The following LRP2 variants were observed in gnomAD, a reference collection of about 807,000 sequenced individuals.
LRP2 encodes LDL receptor related protein 2, also known as low-density lipoprotein receptor-related protein 2.
LRP2 carries 172 observed loss-of-function variants against 531.0 expected under a neutral mutation model. The ratio of observed to expected loss-of-function variants is 0.32; its 90% CI spans 0.29 to 0.37. The LOEUF (loss-of-function observed/expected upper bound fraction) is 0.37. Ranked by LOEUF, LRP2 falls within the 10% of genes least tolerant of loss-of-function variation. The pLI is 1.00. For missense variants in LRP2, 5,167 were observed against 5,868.3 expected (o/e 0.88, Z 3.90); for synonymous variants, 1,992 against 2,027.6 (o/e 0.98, Z 0.47).
At chr2:169,344,497 G>A (rs928900302) in intron 1 of LRP2, among the ~76,000 whole-genome samples, 5 of 152,138 alleles carry the variant, frequency 3.3e-5, no homozygotes, top group African/African-American at 1.2e-4. Context: ...CAACATTTTA[G>A]TTGTATATTT....
chr2:169,172,870 T>G (rs1010557098), intron 57 of LRP2, among the ~76,000 whole-genome samples: 1 of 152,188 alleles, frequency 6.6e-6, no homozygotes, highest in Non-Finnish European at 1.5e-5. Context: ...AATAACGTCT[T>G]CCTCAATGAC....
chr2:169,191,723 A>G, intron 48 of LRP2, 109 bp downstream of exon 48: 1 of 853,348 alleles, frequency 1.2e-6, no homozygotes, highest in Admixed American at 1.8e-5. Context: ...AGCCACTAAA[A>G]GCATCATGGG....
chr2:169,167,042 T>C (rs2105269270), intron 61 of LRP2, among the ~76,000 whole-genome samples: 1 of 152,312 alleles, frequency 6.6e-6, no homozygotes, highest in East Asian at 1.9e-4. Context: ...AAAGGCAAGT[T>C]CAATATTATA....
chr2:169,290,732 T>A, intron 8 of LRP2, 113 bp downstream of exon 8: 1 of 1,144,766 alleles, frequency 8.7e-7, no homozygotes, highest in Non-Finnish European at 1.3e-6. Flanking sequence ...TGCCACTAAG[T>A]CTTGGGGTGC....
intron 2 of LRP2, among the ~76,000 whole-genome samples, chr2:169,320,178 T>G (rs138387031): frequency 6.6e-6 from 1 of 152,340 alleles, no homozygotes; most frequent in Non-Finnish European, 1.5e-5. Flanking sequence ...CCTCAGAAGA[T>G]TAGTGAGAAA....
chr2:169,135,458 G>A (rs867675931), intron 76 of LRP2, among the ~76,000 whole-genome samples: 3 of 152,076 alleles, frequency 2.0e-5, no homozygotes, highest in African/African-American at 4.8e-5. Flanking sequence ...ATAATTCCTC[G>A]GTTTGGCCTT....
At chr2:169,333,117 T>C (rs758383909) in intron 1 of LRP2, among the ~76,000 whole-genome samples, 1 of 152,216 alleles carries the variant, frequency 6.6e-6, no homozygotes, top group Admixed American at 6.5e-5. Flanking sequence ...TCTAGTAAAC[T>C]GAAGTCAACA....
chr2:169,156,208 G>T, intron 65 of LRP2, 66 bp downstream of exon 65: 18 of 1,597,668 alleles, frequency 1.1e-5, no homozygotes, highest in Non-Finnish European at 1.5e-5. Context: ...TTCTTTCATC[G>T]TATAGTGTAC....
At chr2:169,223,242 G>T (rs1056958242) in intron 33 of LRP2, among the ~76,000 whole-genome samples, 5 of 152,122 alleles carry the variant, frequency 3.3e-5, no homozygotes, top group African/African-American at 1.2e-4. Context: ...TGGTTCATGT[G>T]GTTAAAGTGG....
intron 19 of LRP2, among the ~76,000 whole-genome samples, chr2:169,254,593 T>G (rs1337059939): frequency 1.2e-5 from 1 of 80,506 alleles, no homozygotes; most frequent in Non-Finnish European, 2.4e-5. Flanking sequence ...TGTATACATA[T>G]GTAACTAACC....
chr2:169,312,683 G>A (rs1684646841), intron 3 of LRP2, among the ~76,000 whole-genome samples: 1 of 152,082 alleles, frequency 6.6e-6, no homozygotes, highest in Non-Finnish European at 1.5e-5. Context: ...TACGTGTCTT[G>A]GAGTTGCTCT....
chr2:169,346,453 A>G (rs960903404), intron 1 of LRP2, among the ~76,000 whole-genome samples: 1 of 152,244 alleles, frequency 6.6e-6, no homozygotes, highest in Non-Finnish European at 1.5e-5. Flanking sequence ...GAATTTTGGT[A>G]CATAAAAACC....
chr2:169,254,910 G>T (rs1220798324), intron 19 of LRP2, among the ~76,000 whole-genome samples: 2 of 151,978 alleles, frequency 1.3e-5, no homozygotes, highest in Admixed American at 6.6e-5. Flanking sequence ...CGGCGGGAGG[G>T]GGACGGGAGG....
intron 4 of LRP2, among the ~76,000 whole-genome samples, chr2:169,296,929 C>T (rs1208087983): frequency 1.3e-5 from 2 of 152,108 alleles, no homozygotes; most frequent in Non-Finnish European, 2.9e-5. Context: ...GAGGAACACA[C>T]AGCTTTCTTG....
intron 63 of LRP2, among the ~76,000 whole-genome samples, chr2:169,158,895 A>T (rs143137476): frequency 1.3e-5 from 2 of 152,050 alleles, no homozygotes; most frequent in East Asian, 3.9e-4. Context: ...GCCCATATAA[A>T]TGATCCCTGT....
In LRP2 at chr2:169,243,113, C is replaced by A. The variant is rs777787037; in HGVS notation, c.3551-41G>T. On this transcript the variant is annotated intron_variant, in intron 23 of 78. Coordinates refer to ENST00000649046, the MANE Select transcript of LRP2 (RefSeq NM_004525.3). ...AAAAGCATTAGAAATTAGCTCAGGG[C>A]TAAAATGACTAAACACTGAGATTTT... 39 of 1,427,182 alleles carry A rather than the reference C, an allele frequency of 2.7e-5. 1 individual carries two copies. In the East Asian group the frequency reaches 8.6e-4, roughly 32 times the overall value. 88.4% of individuals were successfully genotyped at this position (1,427,182 alleles called of 1,614,324 possible). A position where few individuals can be genotyped will look rare whatever the true frequency, so the allele number is the denominator to read the frequency against.
intron 16 of LRP2, among the ~76,000 whole-genome samples, chr2:169,265,884 C>A (rs542528633): frequency 7.2e-5 from 11 of 151,848 alleles, no homozygotes; most frequent in African/African-American, 2.7e-4. Flanking sequence ...AAAAACAAGT[C>A]CCAATTGGAA....
intron 1 of LRP2, among the ~76,000 whole-genome samples, chr2:169,329,369 C>T (rs969960685): frequency 2.0e-5 from 3 of 152,098 alleles, no homozygotes; most frequent in African/African-American, 7.2e-5. Context: ...ATGGTGAAAC[C>T]TGTCTCTAAG....
intron 68 of LRP2, among the ~76,000 whole-genome samples, chr2:169,148,850 T>G (rs1436921742): frequency 6.6e-6 from 1 of 152,180 alleles, no homozygotes; most frequent in South Asian, 2.1e-4. Context: ...CTAGGTTCTA[T>G]GTCAGTCCCA....
Sources: allele counts gnomAD v4.1 joint callset (sites outside exome capture counted in the v4.1 genomes callset), GRCh38; gene constraint gnomAD v4.1.1; transcripts MANE v1.5; gene names NCBI Gene and HGNC (gene_info 2026-07-23, HGNC 2026-07-21).